The following MMP20 variants were observed in gnomAD, a reference collection of about 807,000 sequenced individuals.
MMP20 encodes the protein matrix metallopeptidase 20, also known as matrix metalloproteinase-20.
A neutral mutation model predicts 51.8 loss-of-function variants in MMP20; 50 were observed. The observed-to-expected ratio is 0.97, with a 90% confidence interval of 0.77 to 1.22. The LOEUF is 1.22. MMP20 is among the 50% of genes most tolerant of loss of function. MMP20 has a pLI of 0.00. For synonymous variants in MMP20, 244 were observed against 216.2 expected, an observed-to-expected ratio of 1.13 and a Z score of -1.13; for missense variants, 663 against 601.4, an observed-to-expected ratio of 1.10 and a Z score of -1.07.
At chr11:102,586,730 T>C (rs1859259063) in intron 8 of MMP20, among the ~76,000 whole-genome samples, 1 of 151,904 alleles carries the variant, frequency 6.6e-6, no homozygotes, top group Non-Finnish European at 1.5e-5. Flanking sequence ...GGCAGGAGAA[T>C]GGTGTGAACC....
At chr11:102,618,640 TA>T (rs1270315386) in intron 1 of MMP20, among the ~76,000 whole-genome samples, 1 of 152,006 alleles carries the variant, frequency 6.6e-6, no homozygotes, top group East Asian at 1.9e-4. Context: ...TATAAGGTTA[TA>T]ATAATAATTT....
chr11:102,624,966 G>A lies in MMP20; in HGVS notation c.126+228C>T, dbSNP rs143365505. Among the ~76,000 whole-genome samples, 32 of 152,260 alleles carry A rather than the reference G, an allele frequency of 2.1e-4. No homozygotes were observed. The East Asian group carries it at 6.0e-3, about 28-fold the overall frequency. ...CTGGAATTCTTTATGAAGCAAGATA[G>A]CTAGGTAGATATATCCTCATGTATT... On this transcript the variant is annotated intron_variant, in intron 1 of 9. Coordinates refer to ENST00000260228, the MANE Select transcript of MMP20 (RefSeq NM_004771.4).
At chr11:102,594,069 G>A (rs1859350847) in intron 7 of MMP20, among the ~76,000 whole-genome samples, 1 of 152,134 alleles carries the variant, frequency 6.6e-6, no homozygotes, top group African/African-American at 2.4e-5. Flanking sequence ...GCACCTTCAA[G>A]GTTTATATTG....
chr11:102,624,820 C>G (rs141124894), intron 1 of MMP20, among the ~76,000 whole-genome samples: 1 of 152,316 alleles, frequency 6.6e-6, no homozygotes, highest in Non-Finnish European at 1.5e-5. Flanking sequence ...AAATTCACAA[C>G]CTGCCTCTAG....
chr11:102,590,481 C>G (rs910097682), intron 8 of MMP20, among the ~76,000 whole-genome samples: 1 of 152,182 alleles, frequency 6.6e-6, no homozygotes, highest in African/African-American at 2.4e-5. Flanking sequence ...TGGCCCCAAG[C>G]CAACCTTCAA....
At chr11:102,585,491 A>C (rs1200736772) in intron 8 of MMP20, among the ~76,000 whole-genome samples, 1 of 152,178 alleles carries the variant, frequency 6.6e-6, no homozygotes, top group Non-Finnish European at 1.5e-5. Context: ...TTAGTTCTAA[A>C]AGTTTTTTTA....
intron 3 of MMP20, among the ~76,000 whole-genome samples, chr11:102,611,377 T>A (rs77997979): frequency 1.3e-5 from 2 of 152,216 alleles, no homozygotes; most frequent in Non-Finnish European, 2.9e-5. Flanking sequence ...TGAGGATTCA[T>A]GGTAGGATAT....
Position 102,609,917 on chromosome 11 carries a change from T to A in MMP20, c.637A>T (p.Met213Leu). 2 of 1,614,174 alleles carry A rather than the reference T, an allele frequency of 1.2e-6. No individual in the cohort carries two copies. Among genetic ancestry groups the A allele is most frequent in the Non-Finnish European group, 1.7e-6 (2 of 1,180,024 alleles). The stretch of plus-strand genomic sequence containing the variant: ...TGTGCATATATACCATTCGTTCCCA[T>A]AGTCCACTTCTCAGCATTGTCGAAA... Reference protein sequence around the residue: ...THFDNAEKWTMGTNGFNLFTV... With the variant: ...THFDNAEKWTLGTNGFNLFTV... Residue 213 changes from methionine to leucine, a missense_variant, in exon 4 of 10, where the codon ATG becomes TTG. By Grantham distance (15) the Met-to-Leu change is conservative. Transcript: ENST00000260228.
chr11:102,614,928 A>G (rs561743242), intron 2 of MMP20, among the ~76,000 whole-genome samples: 2 of 152,234 alleles, frequency 1.3e-5, no homozygotes, highest in South Asian at 2.1e-4. Flanking sequence ...GATGAGCATG[A>G]ATGAACCACT....
chr11:102,597,968 T>C (rs1212529418), intron 6 of MMP20, among the ~76,000 whole-genome samples: 1 of 136,482 alleles, frequency 7.3e-6, no homozygotes, highest in Non-Finnish European at 1.6e-5. Context: ...GGTTTCTCCA[T>C]GTTGGTCAGG....
Position 102,583,967 on chromosome 11 carries a change from T to C in MMP20, c.1248-4825A>G, listed in dbSNP as rs368516409. Among the ~76,000 whole-genome samples, 35 of 152,358 alleles carry C rather than the reference T, an allele frequency of 2.3e-4. No individual in the cohort carries two copies. In the East Asian group the frequency reaches 4.8e-3, roughly 21 times the overall value. Reference sequence around the variant, plus strand: ...GTACCATGTACCAGCATTTCATTCATTTTTGTGGCCAAATAATATTCCATT... The same window carrying C: ...GTACCATGTACCAGCATTTCATTCACTTTTGTGGCCAAATAATATTCCATT... On this transcript the variant is annotated intron_variant, in intron 8 of 9. Transcript: ENST00000260228.
chr11:102,617,734 A>G (rs1859692876), intron 1 of MMP20, among the ~76,000 whole-genome samples: 2 of 152,194 alleles, frequency 1.3e-5, no homozygotes, highest in Admixed American at 6.5e-5. Flanking sequence ...TAAGGCTTTC[A>G]TTTGCACAAA....
intron 8 of MMP20, among the ~76,000 whole-genome samples, chr11:102,580,786 G>A (rs1226659413): frequency 6.6e-6 from 1 of 152,126 alleles, no homozygotes; most frequent in East Asian, 1.9e-4. Flanking sequence ...ATTTCACAAA[G>A]ACAAAGAAAC....
intron 8 of MMP20, among the ~76,000 whole-genome samples, chr11:102,579,358 G>T (rs1859166843): frequency 6.6e-6 from 1 of 151,860 alleles, no homozygotes; most frequent in South Asian, 2.1e-4. Context: ...TGTTGCCCAG[G>T]CTGAAGTGTA....
intron 6 of MMP20, among the ~76,000 whole-genome samples, chr11:102,599,677 T>C (rs1273269486): frequency 1.3e-5 from 2 of 152,246 alleles, no homozygotes; most frequent in Admixed American, 6.5e-5. Flanking sequence ...AGTTTCCTTC[T>C]TAGTTTGCTT....
In MMP20 at chr11:102,606,340, A is replaced by T. The variant is rs568973483; in HGVS notation, c.953+195T>A. 2.0e-5 allele frequency among the ~76,000 whole-genome samples: 3 copies of T among 152,312 alleles called. No homozygotes were observed. The South Asian group carries it at 6.2e-4, about 32-fold the overall frequency. ...TAACTTAGCACAGTAGCAAGACCAC[A>T]GTAGGTGCACCACAAACAGTAGTTT... On this transcript the variant is annotated intron_variant, in intron 6 of 9. Coordinates refer to ENST00000260228, the MANE Select transcript of MMP20 (RefSeq NM_004771.4).
At chr11:102,597,804 G>T (rs1417656158) in intron 6 of MMP20, among the ~76,000 whole-genome samples, 1 of 151,936 alleles carries the variant, frequency 6.6e-6, no homozygotes, top group Non-Finnish European at 1.5e-5. Flanking sequence ...TTTCACTCTT[G>T]TTGCCCAGGC....
chr11:102,609,301 G>T (rs992015725), intron 4 of MMP20, among the ~76,000 whole-genome samples: 1 of 152,058 alleles, frequency 6.6e-6, no homozygotes, highest in African/African-American at 2.4e-5. Context: ...GGGGGTTGGG[G>T]GTGGGGGAGG....
intron 4 of MMP20, among the ~76,000 whole-genome samples, chr11:102,609,648 C>T (rs566523011): frequency 6.6e-6 from 1 of 152,124 alleles, no homozygotes; most frequent in African/African-American, 2.4e-5. Flanking sequence ...TTGAAGGAAA[C>T]GAGAGCAGTG....
Sources: gnomAD v4.1 joint callset for allele counts (sites outside exome capture counted in the v4.1 genomes callset) on GRCh38, gnomAD v4.1.1 for gene constraint, MANE v1.5 for transcripts, NCBI Gene and HGNC (gene_info 2026-07-23, HGNC 2026-07-21) for gene names.